AKAP19: variants seen among roughly 807,000 people sequenced by gnomAD.
AKAP19 encodes the protein small A-kinase anchoring protein.
chr2:189,932,707 CAA>C, the AKAP19 span, among the ~76,000 whole-genome samples: 36 of 113,552 alleles, frequency 3.2e-4, no homozygotes, highest in Non-Finnish European at 3.6e-4. Flanking sequence ...CCCTCTCTTT[CAA>C]AAAAAAAAAA....
chr2:190,150,974 T>C, the AKAP19 span, among the ~76,000 whole-genome samples: 1 of 152,182 alleles, frequency 6.6e-6, no homozygotes, highest in Non-Finnish European at 1.5e-5. Flanking sequence ...ATTTGTATTT[T>C]TTCTGTGAAC....
the AKAP19 span, among the ~76,000 whole-genome samples, chr2:189,892,003 C>G: frequency 6.6e-6 from 1 of 151,496 alleles, no homozygotes; most frequent in African/African-American, 2.4e-5. Flanking sequence ...CTCTGATATC[C>G]TTTCTTCTGC....
At chr2:189,910,888 A>G in the AKAP19 span, among the ~76,000 whole-genome samples, 2 of 152,076 alleles carry the variant, frequency 1.3e-5, no homozygotes, top group South Asian at 2.1e-4. Flanking sequence ...AAACCTCAGT[A>G]TCTATTTTCT....
the AKAP19 span, among the ~76,000 whole-genome samples, chr2:190,110,034 T>C: frequency 2.0e-5 from 3 of 152,162 alleles, no homozygotes; most frequent in African/African-American, 7.2e-5. Flanking sequence ...GTGAGAGAGT[T>C]TGTATTTTTA....
the AKAP19 span, among the ~76,000 whole-genome samples, chr2:190,004,948 G>A: frequency 6.6e-6 from 1 of 152,100 alleles, no homozygotes; most frequent in Non-Finnish European, 1.5e-5. Context: ...ATGGGTTCTT[G>A]GTCTCACTTA....
At chr2:190,026,237 C>T in the AKAP19 span, among the ~76,000 whole-genome samples, 2 of 152,140 alleles carry the variant, frequency 1.3e-5, no homozygotes, top group Non-Finnish European at 2.9e-5. Flanking sequence ...CAGCTCACTC[C>T]ACCAATCTGC....
the AKAP19 span, among the ~76,000 whole-genome samples, chr2:190,052,465 C>T: frequency 6.6e-6 from 1 of 152,140 alleles, no homozygotes; most frequent in Non-Finnish European, 1.5e-5. Context: ...ATCATGTAGG[C>T]ATACTTTCTT....
the AKAP19 span, among the ~76,000 whole-genome samples, chr2:189,939,169 G>C: frequency 6.6e-6 from 1 of 152,304 alleles, no homozygotes; most frequent in South Asian, 2.1e-4. Flanking sequence ...ACTCTGCTCT[G>C]TTACTCCACC....
At chr2:189,990,407 T>C in the AKAP19 span, among the ~76,000 whole-genome samples, 14 of 152,344 alleles carry the variant, frequency 9.2e-5, no homozygotes, top group Non-Finnish European at 1.6e-4. Flanking sequence ...TTGTCGTTTA[T>C]TCTATTAGTA....
the AKAP19 span, among the ~76,000 whole-genome samples, chr2:189,905,922 G>T: frequency 6.6e-6 from 1 of 151,986 alleles, no homozygotes; most frequent in African/African-American, 2.4e-5. Flanking sequence ...AATTTGAATT[G>T]GATTGCAGAC....
chr2:189,886,993 T>A, the AKAP19 span, among the ~76,000 whole-genome samples: 1 of 152,102 alleles, frequency 6.6e-6, no homozygotes, highest in African/African-American at 2.4e-5. Context: ...TTTTTTTAAA[T>A]TTTTTTTATT....
chr2:190,011,496 A>T, the AKAP19 span, among the ~76,000 whole-genome samples: 1 of 152,202 alleles, frequency 6.6e-6, no homozygotes, highest in East Asian at 1.9e-4. Context: ...AAATGCAAAA[A>T]AATTATTGCC....
chr2:190,127,674 G>A, the AKAP19 span, among the ~76,000 whole-genome samples: 2 of 152,080 alleles, frequency 1.3e-5, no homozygotes, highest in Non-Finnish European at 2.9e-5. Context: ...AGAAGGCAAT[G>A]TTTACTACCA....
the AKAP19 span, among the ~76,000 whole-genome samples, chr2:189,931,624 C>T: frequency 6.6e-6 from 1 of 151,436 alleles, no homozygotes. Flanking sequence ...CCTCAGCCTC[C>T]CTCCTCAAGC....
the AKAP19 span, among the ~76,000 whole-genome samples, chr2:189,992,760 G>A: frequency 3.3e-5 from 5 of 151,938 alleles, no homozygotes; most frequent in Admixed American, 3.3e-4. Flanking sequence ...ATATTCCTAA[G>A]TATTTTTTTT....
the AKAP19 span, among the ~76,000 whole-genome samples, chr2:189,913,316 C>G: frequency 6.6e-6 from 1 of 152,054 alleles, no homozygotes; most frequent in African/African-American, 2.4e-5. Flanking sequence ...TGTTCTTTCT[C>G]ATCAATTCTT....
At chr2:190,017,287 A>AT in the AKAP19 span, among the ~76,000 whole-genome samples, 3 of 152,100 alleles carry the variant, frequency 2.0e-5, no homozygotes, top group Non-Finnish European at 4.4e-5. Flanking sequence ...ATCATCAATC[A>AT]TAAGTAATGG....
chr2:190,040,046 G>A, the AKAP19 span, among the ~76,000 whole-genome samples: 2 of 152,136 alleles, frequency 1.3e-5, no homozygotes, highest in African/African-American at 4.8e-5. Flanking sequence ...CCCAGTAATG[G>A]GATTGCTGGC....
At chr2:189,923,394 T>C in the AKAP19 span, 5,970 of 1,612,912 alleles carry the variant, frequency 3.7e-3, 244 homozygotes, top group East Asian at 0.097. Flanking sequence ...CGTGTATTCA[T>C]TGGGAATCTC....
Sources: gnomAD v4.1 joint callset for allele counts (sites outside exome capture counted in the v4.1 genomes callset) on GRCh38, gnomAD v4.1.1 for gene constraint, MANE v1.5 for transcripts, NCBI Gene and HGNC (gene_info 2026-07-23, HGNC 2026-07-21) for gene names.